USH2A: variants seen among roughly 807,000 people sequenced by gnomAD.
USH2A encodes Usher syndrome 2A (autosomal recessive, mild).
Under a neutral mutation model 538.9 loss-of-function variants are expected in USH2A, and 443 were observed. That is an observed-to-expected ratio of 0.82 (90% CI 0.76 to 0.89). USH2A has a LOEUF of 0.89. Among genes scored for constraint, USH2A ranks in the 40% least tolerant of loss-of-function variants. The pLI is 0.00. For missense variants in USH2A, 6,633 were observed against 6,324.8 expected, an observed-to-expected ratio of 1.05 and a Z score of -1.65; for synonymous variants, 2,413 against 2,273.5, an observed-to-expected ratio of 1.06 and a Z score of -1.75.
intron 37 of USH2A, among the ~76,000 whole-genome samples, chr1:215,935,710 T>C (rs889008918): frequency 2.6e-5 from 4 of 152,006 alleles, no homozygotes; most frequent in Non-Finnish European, 5.9e-5. Flanking sequence ...ATTGTAACAT[T>C]TTCTATATTA....
chr1:216,384,902 C>T (rs978088028), intron 3 of USH2A, among the ~76,000 whole-genome samples: 72 of 152,280 alleles, frequency 4.7e-4, no homozygotes, highest in African/African-American at 1.6e-3. Context: ...AGCACCTAGG[C>T]GCTTAACTTC....
At chr1:215,907,651 CATATCAGCT>C (rs1346311175) in intron 38 of USH2A, among the ~76,000 whole-genome samples, 1 of 152,058 alleles carries the variant, frequency 6.6e-6, no homozygotes, top group African/African-American at 2.4e-5. Context: ...CAAGTTCATT[CATATCAGCT>C]ATGTAGCTGA....
chr1:216,012,770 G>A (rs1347033313), intron 32 of USH2A, among the ~76,000 whole-genome samples: 1 of 152,120 alleles, frequency 6.6e-6, no homozygotes. Flanking sequence ...CAGAAGTCAG[G>A]CCTGTCCTCG....
intron 38 of USH2A, among the ~76,000 whole-genome samples, chr1:215,917,458 G>T (rs949382824): frequency 6.6e-6 from 1 of 151,696 alleles, no homozygotes; most frequent in Non-Finnish European, 1.5e-5. Flanking sequence ...TTTTATTTTT[G>T]ATTCTAATAT....
rs1171178701 is a variant in USH2A at position 216,012,047 on chromosome 1, C to T, written c.6326-11485G>A. Among the ~76,000 whole-genome samples, 4 of 73,844 alleles carry T rather than the reference C, an allele frequency of 5.4e-5. 1 individual carries two copies. The highest frequency in any genetic ancestry group is 2.8e-5 in the Non-Finnish European group (1 of 36,164). 48.4% of individuals were successfully genotyped at this position (73,844 alleles called of 152,430 possible). ...CAGGCCGGACTGCGGACTGCAGTGG[C>T]GCAATCTCGGCTCACTGCAAGCTCC... On this transcript the variant is annotated intron_variant, in intron 32 of 71. Transcript: ENST00000307340.
rs756664862 is a variant in USH2A, at chr1:215,900,031, C to A, written c.7594+44G>T. ...AAAAAATTGAAGACATTTTAAGCTC[C>A]CTATGTAGAAGACATTTGGCTGTGT... On this transcript the variant is annotated intron_variant, in intron 40 of 71. Transcript: ENST00000307340. 3.7e-6 allele frequency: 6 copies of A among 1,612,678 alleles called. No individual in the cohort carries two copies. In the Admixed American group the frequency reaches 1.0e-4, roughly 27 times the overall value.
chr1:215,794,341 G>C (rs1662063199), intron 50 of USH2A, among the ~76,000 whole-genome samples: 1 of 152,256 alleles, frequency 6.6e-6, no homozygotes, highest in Non-Finnish European at 1.5e-5. Context: ...AGTACATAAA[G>C]AGATGTTTTA....
chr1:215,961,846 A>G (rs1012583747), intron 37 of USH2A, among the ~76,000 whole-genome samples: 3 of 151,904 alleles, frequency 2.0e-5, no homozygotes, highest in African/African-American at 7.2e-5. Flanking sequence ...GACATATTAT[A>G]TCAGTATAAA....
intron 4 of USH2A, among the ~76,000 whole-genome samples, chr1:216,362,940 A>C (rs1436064512): frequency 6.8e-6 from 1 of 147,302 alleles, no homozygotes; most frequent in Non-Finnish European, 1.5e-5. Context: ...ACTCCCTGTC[A>C]AAAAAAAATA....
intron 32 of USH2A, among the ~76,000 whole-genome samples, chr1:216,033,291 G>C (rs1041810569): frequency 6.6e-6 from 1 of 152,152 alleles, no homozygotes; most frequent in African/African-American, 2.4e-5. Context: ...TCATCTCTCT[G>C]TATGTATATG....
At chr1:215,940,611 T>C (rs1047201690) in intron 37 of USH2A, among the ~76,000 whole-genome samples, 3 of 152,114 alleles carry the variant, frequency 2.0e-5, no homozygotes, top group Admixed American at 1.3e-4. Context: ...ATGTATAAAA[T>C]ATTTATGGAC....
intron 4 of USH2A, among the ~76,000 whole-genome samples, chr1:216,361,610 T>A (rs2038492467): frequency 6.6e-6 from 1 of 152,144 alleles, no homozygotes; most frequent in East Asian, 1.9e-4. Context: ...AAAAAGCATA[T>A]TCATTTGGCA....
intron 49 of USH2A, 96 bp from the exon 50 acceptor site, chr1:215,799,221 C>T (rs1662242855): frequency 7.5e-7 from 1 of 1,329,564 alleles, no homozygotes; most frequent in Admixed American, 2.0e-5. Context: ...CAGATCCCAA[C>T]TGATTGACAG....
At chr1:215,927,824 AACAC>A (rs1028450835) in intron 38 of USH2A, among the ~76,000 whole-genome samples, 1 of 152,112 alleles carries the variant, frequency 6.6e-6, no homozygotes, top group African/African-American at 2.4e-5. Flanking sequence ...TAGACAATTA[AACAC>A]ACACACAAAT....
intron 48 of USH2A, among the ~76,000 whole-genome samples, chr1:215,814,132 T>C (rs1294251192): frequency 1.3e-5 from 2 of 148,830 alleles, no homozygotes; most frequent in Non-Finnish European, 3.0e-5. Context: ...TTGTGCTCTA[T>C]TATAATACTA....
intron 27 of USH2A, among the ~76,000 whole-genome samples, chr1:216,077,466 A>AT (rs1206366139): frequency 1.3e-5 from 2 of 151,614 alleles, no homozygotes; most frequent in Non-Finnish European, 2.9e-5. Context: ...TTGCATTGAT[A>AT]TTTTTTACTA....
chr1:215,639,095 ATG>A, intron 69 of USH2A, 58 bp downstream of exon 69: 1 of 1,488,326 alleles, frequency 6.7e-7, no homozygotes, highest in Non-Finnish European at 9.4e-7. Context: ...AAACAAACAT[ATG>A]TGTGTTTCTT....
intron 9 of USH2A, among the ~76,000 whole-genome samples, chr1:216,305,221 G>T (rs2037292500): frequency 6.6e-6 from 1 of 151,952 alleles, no homozygotes; most frequent in South Asian, 2.1e-4. Context: ...TATATATTTA[G>T]AATTGTGATG....
chr1:215,660,815 A>G (rs1017951127), intron 64 of USH2A, among the ~76,000 whole-genome samples: 4 of 152,336 alleles, frequency 2.6e-5, no homozygotes, highest in Non-Finnish European at 5.9e-5. Flanking sequence ...GCTTATAGGC[A>G]TATTAGTAAT....
Sources: allele counts gnomAD v4.1 joint callset (sites outside exome capture counted in the v4.1 genomes callset), GRCh38; gene constraint gnomAD v4.1.1; transcripts MANE v1.5; gene names NCBI Gene and HGNC (gene_info 2026-07-23, HGNC 2026-07-21).